The following USP45 variants were observed in gnomAD, a reference collection of about 807,000 sequenced individuals.
USP45 encodes ubiquitin specific peptidase 45.
USP45 carries 89 observed loss-of-function variants against 95.8 expected under a neutral mutation model. That is an observed-to-expected ratio of 0.93 (90% CI 0.78 to 1.11). The LOEUF (loss-of-function observed/expected upper bound fraction) is 1.11, where lower values mean the gene tolerates loss of function less well. Among genes scored for constraint, USP45 ranks in the 50% least tolerant of loss-of-function variants. USP45 has a pLI of 0.00. For synonymous variants in USP45, 281 were observed against 316.2 expected (o/e 0.89, Z 1.18); for missense variants, 898 against 942.5 (o/e 0.95, Z 0.62).
Position 99,434,293 on chromosome 6 carries a change from T to C in USP45, c.*1423A>G, listed in dbSNP as rs1309996455. On this transcript the variant is annotated 3_prime_UTR_variant, in exon 18 of 18. Transcript: ENST00000500704. ...ATATGCTTATGTGTTTAAGACAGTC[T>C]TGATTAAATATTTCCATACCTTATC... The C allele has an allele frequency of 6.6e-6, 1 of 152,236 alleles. No homozygotes were observed. The highest frequency in any genetic ancestry group is 1.5e-5 in the Non-Finnish European group (1 of 68,030). The allele number at this position is 152,236 out of a possible 1,614,324, so 9.4% of individuals were successfully genotyped here.
chr6:99,510,875 A>C (rs1400589848), intron 1 of USP45, among the ~76,000 whole-genome samples: 1 of 152,158 alleles, frequency 6.6e-6, no homozygotes, highest in Non-Finnish European at 1.5e-5. Flanking sequence ...TTGCTTCTGG[A>C]TAATGAGTTC....
Position 99,509,967 on chromosome 6 carries a change from C to T in USP45, c.100+154G>A, listed in dbSNP as rs564277953. 5.3e-5 allele frequency among the ~76,000 whole-genome samples: 8 copies of T among 152,222 alleles called. No homozygotes were observed. In the South Asian group the frequency reaches 1.0e-3, roughly 20 times the overall value. On this transcript the variant is annotated intron_variant, in intron 2 of 17. Coordinates refer to ENST00000500704, the MANE Select transcript of USP45 (RefSeq NM_001346022.3). Reference sequence around the variant, plus strand: ...CAGCCTGCCAAGTATGCAGTTTTCACGCATCCCAAGAATAGTGTATTTTCC... The same window carrying T: ...CAGCCTGCCAAGTATGCAGTTTTCATGCATCCCAAGAATAGTGTATTTTCC...
chr6:99,468,358 A>G (rs1788496767), intron 10 of USP45, among the ~76,000 whole-genome samples, 179 bp downstream of exon 10: 1 of 152,154 alleles, frequency 6.6e-6, no homozygotes, highest in Non-Finnish European at 1.5e-5. Flanking sequence ...TCACATGAAT[A>G]CATTCTAGCA....
chr6:99,473,777 A>AACACACACACACACACACACAC (rs60031754), intron 9 of USP45, among the ~76,000 whole-genome samples: 25,572 of 127,202 alleles, frequency 0.2, 3,149 homozygotes, highest in East Asian at 0.43. Flanking sequence ...AAAAAAACAA[A>AACACACACACACACACACACAC]ACACACACAC....
Position 99,496,095 on chromosome 6 carries a change from C to T in USP45, c.479-7275G>A, listed in dbSNP as rs147590820. Reference sequence around the variant, plus strand: ...TTTTTAGTGCTTATTTTTGAAAATGCAAATTTCTTAGAAACATGACTGTCA... The same window carrying T: ...TTTTTAGTGCTTATTTTTGAAAATGTAAATTTCTTAGAAACATGACTGTCA... On this transcript the variant is annotated intron_variant, in intron 5 of 17. Coordinates refer to ENST00000500704, the MANE Select transcript of USP45 (RefSeq NM_001346022.3). Among the ~76,000 whole-genome samples, 339 of 152,168 alleles carry T rather than the reference C, an allele frequency of 2.2e-3. 1 individual carries two copies. Among genetic ancestry groups the T allele is most frequent in the Non-Finnish European group, 3.7e-3 (254 of 68,010 alleles).
chr6:99,465,084 T>C lies in USP45; in HGVS notation c.1160A>G (p.Glu387Gly). Reference sequence around the variant, plus strand: ...CATTAGTTTTCTTCTCCTTACCCTTTCTTCTATTATAGGAAGTGAAATATC... The same window carrying C: ...CATTAGTTTTCTTCTCCTTACCCTTCCTTCTATTATAGGAAGTGAAATATC... Reference protein sequence around the residue: ...FIDISLPIIEERVSKPLLWGR... With the variant: ...FIDISLPIIEGRVSKPLLWGR... Residue 387 changes from glutamate to glycine, a missense_variant, in exon 12 of 18, where the codon GAA (glutamate) becomes GGA (glycine). By Grantham distance (98) the Glu-to-Gly change is moderately conservative. Transcript: ENST00000500704. 1 of 1,594,154 alleles carries C rather than the reference T, an allele frequency of 6.3e-7. No individual in the cohort carries two copies. Among genetic ancestry groups the C allele is most frequent in the Admixed American group, 1.7e-5 (1 of 58,344 alleles).
intron 10 of USP45, among the ~76,000 whole-genome samples, chr6:99,467,200 A>AG (rs1270623924): frequency 6.6e-6 from 1 of 152,208 alleles, no homozygotes; most frequent in Non-Finnish European, 1.5e-5. Flanking sequence ...TAAGAACTCA[A>AG]GAACATGGTT....
At chr6:99,483,844 C>CAAAAAAA (rs71276584) in intron 7 of USP45, among the ~76,000 whole-genome samples, 4 of 86,570 alleles carry the variant, frequency 4.6e-5, no homozygotes, top group African/African-American at 4.7e-5. Flanking sequence ...GACTCCGTCT[C>CAAAAAAA]AAAAAAAAAA....
chr6:99,478,233 T>TG (rs1216787470), intron 8 of USP45, among the ~76,000 whole-genome samples: 2 of 149,978 alleles, frequency 1.3e-5, no homozygotes, highest in Admixed American at 6.6e-5. Context: ...TTTTTTTTTT[T>TG]TTTTTTTTTT....
At chr6:99,476,323 TATTA>T in intron 8 of USP45, 93 bp from the exon 9 acceptor site, 1 of 1,276,252 alleles carries the variant, frequency 7.8e-7, no homozygotes, top group Non-Finnish European at 1.1e-6. Context: ...AATAGCATAT[TATTA>T]GCTGGGTGCG....
In USP45 at chr6:99,515,382, C is replaced by G. The variant is rs925820398; in HGVS notation, c.-11+10G>C. On this transcript the variant is annotated intron_variant, in intron 1 of 17. Coordinates refer to ENST00000500704, the MANE Select transcript of USP45 (RefSeq NM_001346022.3). ...GCCGCTGCGACCAAAGCGCCGCGTTCTCAACTCACCCCGCCGGGCCGGGCC... is the reference window on the plus strand; with the variant it reads ...GCCGCTGCGACCAAAGCGCCGCGTTGTCAACTCACCCCGCCGGGCCGGGCC... 6.6e-6 allele frequency: 1 copy of G among 152,246 alleles called. No individual in the cohort carries two copies. Among genetic ancestry groups the G allele is most frequent in the African/African-American group, 2.4e-5 (1 of 41,464 alleles). The allele number at this position is 152,246 out of a possible 1,614,324, so 9.4% of individuals were successfully genotyped here. A position where few individuals can be genotyped will look rare whatever the true frequency, so the allele number is the denominator to read the frequency against.
intron 9 of USP45, among the ~76,000 whole-genome samples, chr6:99,471,143 C>T (rs1422557875): frequency 4.6e-5 from 7 of 152,134 alleles, no homozygotes; most frequent in African/African-American, 1.7e-4. Context: ...TTGATCCTAA[C>T]CGTGAATTTA....
In USP45 at chr6:99,466,778, C is replaced by A; in HGVS notation, c.1016-15G>T. The A allele has an allele frequency of 6.3e-7, 1 of 1,598,030 alleles. No homozygotes were observed. The highest frequency in any genetic ancestry group is 1.1e-5 in the South Asian group (1 of 90,542). On this transcript the variant is annotated splice_polypyrimidine_tract_variant and intron_variant, in intron 10 of 17. Transcript: ENST00000500704. ...TTTTCCATATGCTGTAAAAATCATA[C>A]TTTTTAATGCAAAAAACATGTCAAC...
intron 13 of USP45, among the ~76,000 whole-genome samples, chr6:99,453,540 C>G (rs1738621821): frequency 6.6e-6 from 1 of 152,220 alleles, no homozygotes; most frequent in Non-Finnish European, 1.5e-5. Flanking sequence ...AAAAGCATCC[C>G]ATGCTCATGG....
At chr6:99,502,132 C>A in intron 5 of USP45, 1 of 1,066,634 alleles carries the variant, frequency 9.4e-7, no homozygotes, top group Non-Finnish European at 1.2e-6. Context: ...CTCTCCACAC[C>A]AAAACTCCAG....
intron 9 of USP45, among the ~76,000 whole-genome samples, chr6:99,469,445 A>AT (rs36148167): frequency 0.14 from 20,930 of 145,676 alleles, 2,182 homozygotes; most frequent in Non-Finnish European, 0.21. Context: ...CTTTCCAAAA[A>AT]ATATATATAT....
chr6:99,472,161 GA>G (rs1213305153), intron 9 of USP45, among the ~76,000 whole-genome samples: 3 of 147,072 alleles, frequency 2.0e-5, no homozygotes, highest in Non-Finnish European at 4.5e-5. Flanking sequence ...AATATCAACA[GA>G]AAAAAAACCC....
intron 5 of USP45, among the ~76,000 whole-genome samples, chr6:99,502,901 T>C (rs1321669409): frequency 6.6e-6 from 1 of 152,162 alleles, no homozygotes; most frequent in Non-Finnish European, 1.5e-5. Flanking sequence ...GATTGAAAGT[T>C]TCCTGAGGCC....
rs1174384061 is a variant in USP45 at position 99,435,656 on chromosome 6, T to G, written c.*60A>C. 2.7e-6 allele frequency: 4 copies of G among 1,467,478 alleles called. No individual in the cohort carries two copies. The highest frequency in any genetic ancestry group is 3.7e-6 in the Non-Finnish European group (4 of 1,069,724). The allele number at this position is 1,467,478 out of a possible 1,614,324, so 90.9% of individuals were successfully genotyped here. On this transcript the variant is annotated 3_prime_UTR_variant, in exon 18 of 18. Transcript: ENST00000500704. ...GAAGACTAGAAAGGCACATTATATA[T>G]TATAGTTATCACTGTGGCATTCAAA...
Sources: allele counts gnomAD v4.1 joint callset (sites outside exome capture counted in the v4.1 genomes callset), GRCh38; gene constraint gnomAD v4.1.1; transcripts MANE v1.5; gene names NCBI Gene and HGNC (gene_info 2026-07-23, HGNC 2026-07-21).